The following SRGAP3 variants were observed in gnomAD, a reference collection of about 807,000 sequenced individuals.
SRGAP3 encodes the protein SLIT-ROBO Rho GTPase-activating protein 3.
A neutral mutation model predicts 121.1 loss-of-function variants in SRGAP3; 39 were observed. That is an observed-to-expected ratio of 0.32 (90% CI 0.25 to 0.42). The LOEUF (loss-of-function observed/expected upper bound fraction) is 0.42. Ranked by LOEUF, SRGAP3 falls within the 10% of genes least tolerant of loss-of-function variation. The pLI is 1.00. For synonymous variants in SRGAP3, 601 were observed against 570.0 expected (o/e 1.05, Z -0.77); for missense variants, 1,213 against 1,470.6 (o/e 0.82, Z 2.86).
At chr3:9,300,919 T>C (rs1955043860) in intron 3 of SRGAP3, among the ~76,000 whole-genome samples, 1 of 152,118 alleles carries the variant, frequency 6.6e-6, no homozygotes, top group Non-Finnish European at 1.5e-5. Flanking sequence ...GATAATCACA[T>C]GCTGGGGAGG....
chr3:9,231,878 C>A (rs1953223712), intron 1 of SRGAP3, among the ~76,000 whole-genome samples: 1 of 152,156 alleles, frequency 6.6e-6, no homozygotes, highest in Admixed American at 6.5e-5. Context: ...ATGAGGAAGC[C>A]AAGATGCAGA....
chr3:9,237,852 T>G (rs964094998), intron 1 of SRGAP3, among the ~76,000 whole-genome samples: 4 of 152,220 alleles, frequency 2.6e-5, no homozygotes, highest in Admixed American at 6.5e-5. Flanking sequence ...GGAAGTGACA[T>G]GGCCAGATTT....
intron 10 of SRGAP3, among the ~76,000 whole-genome samples, chr3:9,042,977 C>A (rs1228321104): frequency 6.6e-6 from 1 of 152,164 alleles, no homozygotes; most frequent in East Asian, 1.9e-4. Flanking sequence ...TGGTTTTTCA[C>A]TTGGCTGATG....
rs116164691 is a variant in SRGAP3, at chr3:8,993,083, G to A, written c.2409-28C>T. ...GGGGAGAAGACAGACATGAATTGGAGGCACCTTCCCCCAAAGAACCCAGCA... is the reference window on the plus strand; with the variant it reads ...GGGGAGAAGACAGACATGAATTGGAAGCACCTTCCCCCAAAGAACCCAGCA... On this transcript the variant is annotated intron_variant, in intron 19 of 21. Coordinates refer to ENST00000383836, the MANE Select transcript of SRGAP3 (RefSeq NM_014850.4). 1,985 of 1,613,026 alleles carry A rather than the reference G, an allele frequency of 1.2e-3. 20 individuals are homozygous for A. The African/African-American group carries it at 0.024, about 19-fold the overall frequency.
At chr3:9,094,748 A>G (rs1422809204) in intron 3 of SRGAP3, among the ~76,000 whole-genome samples, 1 of 152,004 alleles carries the variant, frequency 6.6e-6, no homozygotes. Flanking sequence ...CTGACCATTG[A>G]AGTTTCACTT....
chr3:9,356,279 C>T (rs1008089122), intron 1 of SRGAP3, among the ~76,000 whole-genome samples: 8 of 149,442 alleles, frequency 5.4e-5, no homozygotes, highest in Non-Finnish European at 1.2e-4. Flanking sequence ...GCAACCTCCA[C>T]CTCCCAGGCT....
At chr3:9,167,726 T>A (rs748584082) in intron 1 of SRGAP3, among the ~76,000 whole-genome samples, 9 of 152,176 alleles carry the variant, frequency 5.9e-5, no homozygotes, top group Non-Finnish European at 1.2e-4. Flanking sequence ...CTCTGCAGCA[T>A]CTGCTGAAGG....
intron 3 of SRGAP3, among the ~76,000 whole-genome samples, chr3:9,080,679 A>G (rs969790459): frequency 1.3e-5 from 2 of 152,152 alleles, no homozygotes; most frequent in Non-Finnish European, 2.9e-5. Flanking sequence ...GTGAGCGGGC[A>G]TTACCATCTG....
intron 1 of SRGAP3, among the ~76,000 whole-genome samples, chr3:9,335,683 C>A (rs1955678268): frequency 6.6e-6 from 1 of 152,176 alleles, no homozygotes; most frequent in Admixed American, 6.5e-5. Context: ...CCTACTGATT[C>A]TTATACTCTG....
intron 3 of SRGAP3, among the ~76,000 whole-genome samples, chr3:9,267,311 A>ATGCT (rs149709472): frequency 0.055 from 8,421 of 152,286 alleles, 316 homozygotes; most frequent in Non-Finnish European, 0.073. Flanking sequence ...GCAGACAGAG[A>ATGCT]TGCTTTCAGA....
At chr3:9,351,038 T>C (rs1454518161) in intron 1 of SRGAP3, among the ~76,000 whole-genome samples, 1 of 152,184 alleles carries the variant, frequency 6.6e-6, no homozygotes, top group Non-Finnish European at 1.5e-5. Flanking sequence ...TTTTTTCATG[T>C]GGTCTTTCAA....
At chr3:9,075,971 G>C (rs1344308992) in intron 4 of SRGAP3, among the ~76,000 whole-genome samples, 1 of 152,202 alleles carries the variant, frequency 6.6e-6, no homozygotes, top group African/African-American at 2.4e-5. Context: ...CCTTTGCATT[G>C]TGACTCTGTA....
At chr3:9,063,018 T>G (rs1380112506) in intron 5 of SRGAP3, among the ~76,000 whole-genome samples, 1 of 152,110 alleles carries the variant, frequency 6.6e-6, no homozygotes, top group Non-Finnish European at 1.5e-5. Flanking sequence ...TTCTCACCAA[T>G]ACTTCCTATA....
chr3:9,046,204 GC>G (rs1945270115), intron 10 of SRGAP3, among the ~76,000 whole-genome samples: 1 of 151,762 alleles, frequency 6.6e-6, no homozygotes, highest in African/African-American at 2.4e-5. Flanking sequence ...ATTTCCGTCA[GC>G]CCCCAAAGTT....
At chr3:9,105,090 G>T (rs1158062196) in intron 2 of SRGAP3, among the ~76,000 whole-genome samples, 2 of 152,212 alleles carry the variant, frequency 1.3e-5, no homozygotes, top group African/African-American at 4.8e-5. Flanking sequence ...CACTGAATGT[G>T]GTGCTTGCTC....
intron 1 of SRGAP3, among the ~76,000 whole-genome samples, chr3:9,199,901 A>C (rs374538737): frequency 1.4e-4 from 21 of 152,370 alleles, no homozygotes; most frequent in Admixed American, 1.0e-3. Context: ...TTGAGCTCTT[A>C]AATAAAGGAA....
At chr3:9,271,069 C>G (rs550426621) in intron 3 of SRGAP3, among the ~76,000 whole-genome samples, 6 of 152,302 alleles carry the variant, frequency 3.9e-5, no homozygotes, top group African/African-American at 1.2e-4. Flanking sequence ...CCCAGTGGCT[C>G]GTGACTGTAA....
At chr3:9,108,168 TC>T (rs1948483200) in intron 2 of SRGAP3, among the ~76,000 whole-genome samples, 1 of 152,272 alleles carries the variant, frequency 6.6e-6, no homozygotes, top group African/African-American at 2.4e-5. Flanking sequence ...CACATAGTTC[TC>T]AACCTGTCCT....
chr3:9,106,571 G>A (rs542892193), intron 2 of SRGAP3, among the ~76,000 whole-genome samples: 2 of 152,292 alleles, frequency 1.3e-5, no homozygotes, highest in East Asian at 1.9e-4. Context: ...CACATGTTGT[G>A]GGAATGGTCT....
Sources: allele counts gnomAD v4.1 joint callset (sites outside exome capture counted in the v4.1 genomes callset), GRCh38; gene constraint gnomAD v4.1.1; transcripts MANE v1.5; gene names NCBI Gene and HGNC (gene_info 2026-07-23, HGNC 2026-07-21).